Variants in HNF4G observed in about 807,000 individuals in gnomAD.
The protein encoded by HNF4G is hepatocyte nuclear factor 4 gamma, also known as hepatocyte nuclear factor 4-gamma.
HNF4G carries 21 observed loss-of-function variants against 50.9 expected under a neutral mutation model. The observed-to-expected ratio is 0.41, with a 90% CI of 0.29 to 0.59. HNF4G has a LOEUF of 0.59. Among genes scored for constraint, HNF4G ranks in the 20% least tolerant of loss-of-function variants. The pLI is 0.26. For missense variants in HNF4G, 527 were observed against 559.4 expected, an observed-to-expected ratio of 0.94 and a Z score of 0.58; for synonymous variants, 198 against 185.6, an observed-to-expected ratio of 1.07 and a Z score of -0.54.
intron 1 of HNF4G, among the ~76,000 whole-genome samples, chr8:75,463,761 T>C (rs1811905970): frequency 6.6e-6 from 1 of 151,250 alleles, no homozygotes; most frequent in African/African-American, 2.4e-5. Flanking sequence ...ATTCTTTTTG[T>C]GAATATGTTG....
At chr8:75,413,520 G>A (rs1461156708) in intron 1 of HNF4G, among the ~76,000 whole-genome samples, 2 of 152,234 alleles carry the variant, frequency 1.3e-5, no homozygotes, top group Admixed American at 1.3e-4. Context: ...TCTCAGCAAT[G>A]ACTTAGAAAC....
At chr8:75,518,723 T>A (rs1253636176) in intron 2 of HNF4G, among the ~76,000 whole-genome samples, 1 of 152,026 alleles carries the variant, frequency 6.6e-6, no homozygotes, top group Non-Finnish European at 1.5e-5. Flanking sequence ...CGCAAGGCCC[T>A]GGACCTGGCC....
chr8:75,517,132 C>A (rs529549512), intron 2 of HNF4G, among the ~76,000 whole-genome samples: 1 of 152,096 alleles, frequency 6.6e-6, no homozygotes, highest in Non-Finnish European at 1.5e-5. Context: ...TTCACTATCA[C>A]GAGAATAGCA....
intron 1 of HNF4G, among the ~76,000 whole-genome samples, chr8:75,445,025 G>C (rs1017084302): frequency 6.6e-6 from 1 of 150,556 alleles, no homozygotes; most frequent in Non-Finnish European, 1.5e-5. Context: ...CCACATACTT[G>C]GAAGTAAAGC....
At chr8:75,443,221 C>T (rs949622283) in intron 1 of HNF4G, among the ~76,000 whole-genome samples, 9 of 152,112 alleles carry the variant, frequency 5.9e-5, no homozygotes, top group Non-Finnish European at 1.3e-4. Flanking sequence ...TTGGACTTCC[C>T]AGCCTCCAGA....
chr8:75,470,016 T>G (rs552374857), intron 1 of HNF4G, among the ~76,000 whole-genome samples: 2 of 152,274 alleles, frequency 1.3e-5, no homozygotes, highest in South Asian at 4.1e-4. Context: ...TCAAACTACA[T>G]GGAATACTGA....
rs1261156599 is a variant in HNF4G, at chr8:75,551,421, G to A, written c.416G>A (p.Arg139Lys). The change falls in exon 4 of 10, where the codon AGA (arginine) becomes AAA (lysine). Residue 139 changes from arginine (R) to lysine (K), a missense_variant. This residue lies in a region of HNF4G where 128 missense variants were observed against 135.3 expected (regional missense o/e 0.95). Transcript: ENST00000396423. ...AATGAACGTGACAGAATAAGCACCA[G>A]AAGAAGCACATTTGATGGCAGCAAC... ...VQNERDRIST[R>K]RSTFDGSNIP... 2 of 1,613,014 alleles carry A rather than the reference G, an allele frequency of 1.2e-6. No individual in the cohort carries two copies. The highest frequency in any genetic ancestry group is 1.7e-5 in the Admixed American group (1 of 59,922).
chr8:75,555,453 C>A (rs1807086873), intron 5 of HNF4G, among the ~76,000 whole-genome samples: 1 of 152,122 alleles, frequency 6.6e-6, no homozygotes, highest in Non-Finnish European at 1.5e-5. Flanking sequence ...AGAACCCAGA[C>A]CTCCCATCTT....
intron 1 of HNF4G, among the ~76,000 whole-genome samples, chr8:75,475,374 C>T (rs1389271114): frequency 1.3e-5 from 2 of 152,044 alleles, no homozygotes; most frequent in African/African-American, 4.8e-5. Context: ...CAAATAGTAC[C>T]CCTCTGTTGT....
chr8:75,417,317 A>G (rs929737356), intron 1 of HNF4G, among the ~76,000 whole-genome samples: 3 of 152,226 alleles, frequency 2.0e-5, no homozygotes, highest in Non-Finnish European at 4.4e-5. Flanking sequence ...GTTAACATTT[A>G]TTCAGTTTAT....
intron 1 of HNF4G, among the ~76,000 whole-genome samples, chr8:75,408,351 G>T (rs1585815084): frequency 1.3e-5 from 2 of 152,272 alleles, no homozygotes; most frequent in South Asian, 4.1e-4. Flanking sequence ...TCTCTGGGGG[G>T]TCTTCCGTGT....
chr8:75,500,444 G>A (rs1189572414), intron 2 of HNF4G, among the ~76,000 whole-genome samples: 1 of 152,044 alleles, frequency 6.6e-6, no homozygotes, highest in Non-Finnish European at 1.5e-5. Context: ...CAACTGCTCT[G>A]GGAAAATGTT....
chr8:75,558,134 G>T (rs1307518769), intron 6 of HNF4G, among the ~76,000 whole-genome samples: 3 of 152,024 alleles, frequency 2.0e-5, no homozygotes, highest in South Asian at 2.1e-4. Flanking sequence ...TTTTTAATCC[G>T]CTGTAAACAA....
chr8:75,505,723 C>G (rs1813062475), intron 2 of HNF4G, among the ~76,000 whole-genome samples: 1 of 149,728 alleles, frequency 6.7e-6, no homozygotes, highest in Admixed American at 6.6e-5. Flanking sequence ...TGCAAATATA[C>G]ATATTCGGGA....
At chr8:75,428,987 G>A (rs1159180509) in intron 1 of HNF4G, among the ~76,000 whole-genome samples, 1 of 152,154 alleles carries the variant, frequency 6.6e-6, no homozygotes, top group African/African-American at 2.4e-5. Context: ...TAGCTTAACG[G>A]AAGTTACTGG....
Position 75,558,835 on chromosome 8 carries a change from G to A in HNF4G, c.921G>A (p.Lys307=). ...AKGLSDPVKI[K]NMRFQVQIGL... Reference sequence around the variant, plus strand: ...GGCTAAGCGATCCAGTAAAAATTAAGAACATGAGGTTCCAAGTGCAGATCG... The same window carrying A: ...GGCTAAGCGATCCAGTAAAAATTAAAAACATGAGGTTCCAAGTGCAGATCG... The change falls in exon 8 of 10, where the codon AAG becomes AAA. Residue 307 remains lysine, a synonymous_variant. Coordinates refer to ENST00000396423, the MANE Select transcript of HNF4G (RefSeq NM_004133.5). 1 of 1,614,008 alleles carries A rather than the reference G, an allele frequency of 6.2e-7. No individual in the cohort carries two copies. The highest frequency in any genetic ancestry group is 8.5e-7 in the Non-Finnish European group (1 of 1,179,954).
At chr8:75,506,883 A>C (rs1813091223) in intron 2 of HNF4G, among the ~76,000 whole-genome samples, 1 of 151,788 alleles carries the variant, frequency 6.6e-6, no homozygotes, top group African/African-American at 2.4e-5. Flanking sequence ...AACATCAGCA[A>C]AAGCTTTTTA....
At chr8:75,538,546 A>G (rs1198803121), upstream of HNF4G, among the ~76,000 whole-genome samples, 1 of 152,188 alleles carries the variant, frequency 6.6e-6, no homozygotes, top group Non-Finnish European at 1.5e-5. Flanking sequence ...TGGTTCCTAT[A>G]GAAAAGAAAT....
intron 9 of HNF4G, among the ~76,000 whole-genome samples, chr8:75,562,468 A>G (rs971298693): frequency 6.6e-6 from 1 of 152,022 alleles, no homozygotes; most frequent in Non-Finnish European, 1.5e-5. Flanking sequence ...CAGATAATCA[A>G]TAGCAGAAAG....
Sources: allele counts gnomAD v4.1 joint callset (sites outside exome capture counted in the v4.1 genomes callset), GRCh38; gene constraint gnomAD v4.1.1; regional missense constraint gnomAD v4.1.1; transcripts MANE v1.5; gene names NCBI Gene and HGNC (gene_info 2026-07-23, HGNC 2026-07-21).